The following C1QTNF3 variants were observed in gnomAD, a reference collection of about 807,000 sequenced individuals.
C1QTNF3 encodes C1q and TNF related 3.
C1QTNF3 carries 26 observed loss-of-function variants against 32.6 expected under a neutral mutation model. The ratio of observed to expected loss-of-function variants is 0.80; its 90% CI spans 0.58 to 1.11. C1QTNF3 has a LOEUF of 1.11. C1QTNF3 is among the 50% of genes least tolerant of loss of function. The pLI is 0.00. For synonymous variants in C1QTNF3, 155 were observed against 146.0 expected (o/e 1.06, Z -0.44); for missense variants, 362 against 398.2 (o/e 0.91, Z 0.77).
chr5:34,035,099 A>C (rs1754702450), intron 2 of C1QTNF3, among the ~76,000 whole-genome samples: 1 of 152,166 alleles, frequency 6.6e-6, no homozygotes, highest in Non-Finnish European at 1.5e-5. Flanking sequence ...CCAGGGTACC[A>C]GCAGGCCCGC....
the C1QTNF3 span, among the ~76,000 whole-genome samples, chr5:34,097,280 C>T: frequency 2.0e-5 from 3 of 151,808 alleles, no homozygotes; most frequent in Admixed American, 6.6e-5. Flanking sequence ...CATTCACCAT[C>T]CTCTTCGTCT....
At chr5:34,084,192 T>C in the C1QTNF3 span, among the ~76,000 whole-genome samples, 1 of 151,772 alleles carries the variant, frequency 6.6e-6, no homozygotes, top group Non-Finnish European at 1.5e-5. Context: ...CTGAAAACAG[T>C]GTCTAATGGT....
the C1QTNF3 span, among the ~76,000 whole-genome samples, chr5:34,064,669 C>A: frequency 1.3e-5 from 2 of 152,222 alleles, no homozygotes; most frequent in Non-Finnish European, 1.5e-5. Context: ...AGATCTGGGA[C>A]GGCGGCAAAC....
the C1QTNF3 span, among the ~76,000 whole-genome samples, chr5:34,221,888 A>C: frequency 6.6e-6 from 1 of 151,974 alleles, no homozygotes; most frequent in Non-Finnish European, 1.5e-5. Flanking sequence ...GCAGCCGGTC[A>C]TTTTTCTTGG....
the C1QTNF3 span, among the ~76,000 whole-genome samples, chr5:34,170,620 T>C: frequency 6.6e-6 from 1 of 152,108 alleles, no homozygotes; most frequent in Non-Finnish European, 1.5e-5. Context: ...AAATAGCTGT[T>C]AATAAAGTGC....
chr5:34,235,856 T>G, the C1QTNF3 span, among the ~76,000 whole-genome samples: 2 of 152,278 alleles, frequency 1.3e-5, no homozygotes, highest in African/African-American at 4.8e-5. Flanking sequence ...ATAGTGCTAG[T>G]TGCTTTGACA....
chr5:34,026,928 C>A (rs774549243), intron 4 of C1QTNF3, among the ~76,000 whole-genome samples: 2 of 151,962 alleles, frequency 1.3e-5, no homozygotes, highest in African/African-American at 2.4e-5. Context: ...AGGCGTGAAC[C>A]CATGGTAGAA....
At chr5:34,127,954 G>A in the C1QTNF3 span, among the ~76,000 whole-genome samples, 2 of 152,120 alleles carry the variant, frequency 1.3e-5, no homozygotes, top group Non-Finnish European at 2.9e-5. Flanking sequence ...GGATCCTGAT[G>A]TTAATCTCCA....
chr5:34,219,441 C>T, the C1QTNF3 span, among the ~76,000 whole-genome samples: 1 of 150,996 alleles, frequency 6.6e-6, no homozygotes. Flanking sequence ...AAAAAAAAAA[C>T]TGTGTTACAG....
At chr5:34,175,910 C>T in the C1QTNF3 span, 3 of 817,388 alleles carry the variant, frequency 3.7e-6, no homozygotes, top group Non-Finnish European at 6.6e-6. Flanking sequence ...GATGGTACTG[C>T]TCTAGCAGAC....
the C1QTNF3 span, among the ~76,000 whole-genome samples, chr5:34,125,817 AAC>A: frequency 1.3e-5 from 2 of 152,214 alleles, no homozygotes; most frequent in Admixed American, 6.5e-5. Context: ...GAAAATGGTA[AAC>A]ACAATATTTG....
chr5:34,117,918 T>C, the C1QTNF3 span, among the ~76,000 whole-genome samples: 3 of 152,218 alleles, frequency 2.0e-5, no homozygotes, highest in Non-Finnish European at 2.9e-5. Context: ...AATATGTAAA[T>C]GTTATTTCAT....
chr5:34,207,064 AG>A, the C1QTNF3 span, among the ~76,000 whole-genome samples: 1 of 152,070 alleles, frequency 6.6e-6, no homozygotes, highest in Non-Finnish European at 1.5e-5. Context: ...GCTAATGGCA[AG>A]GTATGGGCCT....
chr5:34,045,105 G>T (rs1003196697), upstream of C1QTNF3, among the ~76,000 whole-genome samples: 2 of 152,232 alleles, frequency 1.3e-5, no homozygotes, highest in African/African-American at 4.8e-5. Flanking sequence ...AAAGCAAGCA[G>T]TGGCTCTGAA....
chr5:34,212,578 TC>T, the C1QTNF3 span, among the ~76,000 whole-genome samples: 4 of 151,684 alleles, frequency 2.6e-5, no homozygotes, highest in African/African-American at 9.7e-5. Context: ...AACAACCCCA[TC>T]AAAAAGTTGG....
chr5:34,044,216 G>A (rs949251594), upstream of C1QTNF3, among the ~76,000 whole-genome samples: 18 of 152,146 alleles, frequency 1.2e-4, no homozygotes, highest in African/African-American at 4.1e-4. Flanking sequence ...AAAAGAAAAT[G>A]GACATTCCTA....
At chr5:34,050,001 C>G in the C1QTNF3 span, among the ~76,000 whole-genome samples, 3 of 152,120 alleles carry the variant, frequency 2.0e-5, no homozygotes, top group African/African-American at 7.2e-5. Context: ...CAAGTTGACA[C>G]AAAAAATTCA....
At chr5:34,213,962 C>T in the C1QTNF3 span, among the ~76,000 whole-genome samples, 2 of 148,796 alleles carry the variant, frequency 1.3e-5, no homozygotes, top group African/African-American at 2.5e-5. Context: ...CAGGGGCCAA[C>T]CACCACACCA....
the C1QTNF3 span, among the ~76,000 whole-genome samples, chr5:34,236,198 T>C: frequency 1.3e-5 from 2 of 152,222 alleles, no homozygotes; most frequent in African/African-American, 4.8e-5. Context: ...ATATAGTTTA[T>C]GTATCTATCA....
Sources: allele counts gnomAD v4.1 joint callset (sites outside exome capture counted in the v4.1 genomes callset), GRCh38; gene constraint gnomAD v4.1.1; transcripts MANE v1.5; gene names NCBI Gene and HGNC (gene_info 2026-07-23, HGNC 2026-07-21).